Variants in PPP2R3C observed in about 807,000 individuals in gnomAD.
PPP2R3C encodes serine/threonine-protein phosphatase 2A regulatory subunit B'' subunit gamma.
In PPP2R3C, 47 loss-of-function variants were observed where a neutral mutation model predicts 63.7. The ratio of observed to expected loss-of-function variants is 0.74; its 90% CI spans 0.58 to 0.94. The LOEUF (loss-of-function observed/expected upper bound fraction) is 0.94. Among genes scored for constraint, PPP2R3C ranks in the 40% least tolerant of loss-of-function variants. The probability of loss-of-function intolerance (pLI) is 0.00; values close to 1 mark genes in which losing one functional copy is unlikely to be tolerated. For synonymous variants in PPP2R3C, 180 were observed against 177.4 expected, an observed-to-expected ratio of 1.01 and a Z score of -0.12; for missense variants, 421 against 518.4, an observed-to-expected ratio of 0.81 and a Z score of 1.82.
intron 10 of PPP2R3C, among the ~76,000 whole-genome samples, chr14:35,094,836 C>T (rs761314979): frequency 2.0e-4 from 30 of 152,076 alleles, no homozygotes; most frequent in Non-Finnish European, 3.5e-4. Context: ...CACCCATAAT[C>T]CCAGCTACTC....
chr14:35,103,200 C>G (rs1230969808), intron 6 of PPP2R3C, among the ~76,000 whole-genome samples: 2 of 152,160 alleles, frequency 1.3e-5, no homozygotes, highest in African/African-American at 4.8e-5. Flanking sequence ...TTACTGTGGC[C>G]CAAAAGGCCC....
chr14:35,099,603 A>G, intron 6 of PPP2R3C: 1 of 468,540 alleles, frequency 2.1e-6, no homozygotes, highest in East Asian at 5.1e-5. Flanking sequence ...ATTCAAAGGG[A>G]ACAAAGATAT....
At chr14:35,092,254 G>C (rs2045845524) in intron 10 of PPP2R3C, among the ~76,000 whole-genome samples, 1 of 151,060 alleles carries the variant, frequency 6.6e-6, no homozygotes, top group Non-Finnish European at 1.5e-5. Context: ...ATTCTTTGTA[G>C]AGATGGGGTT....
chr14:35,105,844 T>C (rs1247343179), intron 6 of PPP2R3C, among the ~76,000 whole-genome samples: 2 of 151,964 alleles, frequency 1.3e-5, no homozygotes, highest in Admixed American at 6.6e-5. Flanking sequence ...CCTTGTCTAC[T>C]GTGTCTTTTT....
intron 1 of PPP2R3C, among the ~76,000 whole-genome samples, chr14:35,119,039 CTT>C (rs34769087): frequency 1.2e-4 from 16 of 134,992 alleles, no homozygotes; most frequent in Admixed American, 1.5e-4. Context: ...GATCAAATGA[CTT>C]TTTTTTTTTT....
chr14:35,118,855 C>T (rs971625029), intron 1 of PPP2R3C, among the ~76,000 whole-genome samples: 9 of 151,980 alleles, frequency 5.9e-5, no homozygotes, highest in Non-Finnish European at 1.3e-4. Context: ...CGTTTCACCA[C>T]GTTGGCCAGG....
intron 7 of PPP2R3C, among the ~76,000 whole-genome samples, 169 bp from the exon 8 acceptor site, chr14:35,096,933 G>T (rs1432290804): frequency 6.6e-6 from 1 of 152,018 alleles, no homozygotes; most frequent in African/African-American, 2.4e-5. Flanking sequence ...GGGAAATCTC[G>T]GCTGGGCGCG....
In PPP2R3C at chr14:35,094,918, C is replaced by T. The variant is rs1276802337; in HGVS notation, c.975+130G>A. On this transcript the variant is annotated intron_variant, in intron 10 of 12. Transcript: ENST00000261475. The stretch of plus-strand genomic sequence containing the variant: ...GCATTGAGCGGAGATCACACCACTG[C>T]ACTCTAGCCTAGGCGACAGAGCAAG... 9 of 950,954 alleles carry T rather than the reference C, an allele frequency of 9.5e-6. No individual in the cohort carries two copies. The East Asian group carries it at 1.1e-4, about 11-fold the overall frequency. The allele number at this position is 950,954 out of a possible 1,614,324, so 58.9% of individuals were successfully genotyped here.
chr14:35,085,562 AAT>A lies in PPP2R3C; in HGVS notation c.*26_*27del. The A allele has an allele frequency of 1.3e-6, 2 of 1,538,142 alleles. No individual in the cohort carries two copies. Among genetic ancestry groups the A allele is most frequent in the Non-Finnish European group, 1.8e-6 (2 of 1,140,890 alleles). On this transcript the variant is annotated 3_prime_UTR_variant, in exon 13 of 13. Transcript: ENST00000261475. Reference sequence around the variant, plus strand: ...TACATGCAGCATTCAAGTATCTCATAATATAAGACAGTCTAGTCTTTCAGAGA... The same window carrying A: ...TACATGCAGCATTCAAGTATCTCATAATAAGACAGTCTAGTCTTTCAGAGA...
intron 2 of PPP2R3C, among the ~76,000 whole-genome samples, chr14:35,111,006 A>G (rs570382353): frequency 6.6e-6 from 1 of 152,268 alleles, no homozygotes; most frequent in East Asian, 1.9e-4. Flanking sequence ...TGGGTGGCCG[A>G]GGCAGGCGGA....
chr14:35,115,998 A>G (rs952073801), intron 2 of PPP2R3C, among the ~76,000 whole-genome samples: 11 of 152,144 alleles, frequency 7.2e-5, no homozygotes, highest in African/African-American at 2.4e-4. Context: ...ACTTTATAAC[A>G]AAGTGTATAC....
intron 2 of PPP2R3C, among the ~76,000 whole-genome samples, chr14:35,115,969 C>G (rs969281572): frequency 2.0e-5 from 3 of 151,984 alleles, no homozygotes; most frequent in African/African-American, 7.2e-5. Flanking sequence ...TTCGGTTTAG[C>G]CTTGAGCAAA....
In PPP2R3C at chr14:35,091,215, A is replaced by G. The variant is rs551059097; in HGVS notation, c.976-8T>C. ...CAAGTAGGTCTTATAGTCCTACAGA[A>G]CAGAAAATAATGTTCATTAGAGGCC... On this transcript the variant is annotated splice_polypyrimidine_tract_variant and splice_region_variant and intron_variant, in intron 10 of 12. Transcript: ENST00000261475. The G allele has an allele frequency of 6.3e-7, 1 of 1,593,830 alleles. No homozygotes were observed. Among genetic ancestry groups the G allele is most frequent in the African/African-American group, 1.4e-5 (1 of 73,834 alleles).
At chr14:35,089,196 G>A (rs929591113) in intron 11 of PPP2R3C, among the ~76,000 whole-genome samples, 4 of 151,976 alleles carry the variant, frequency 2.6e-5, no homozygotes, top group Non-Finnish European at 4.4e-5. Context: ...TTGACCTCCC[G>A]GACTCTAGTG....
At chr14:35,117,143 T>G (rs1215706496) in intron 1 of PPP2R3C, 1 of 455,808 alleles carries the variant, frequency 2.2e-6, no homozygotes, top group Non-Finnish European at 4.4e-6. Context: ...CCTGACCTCA[T>G]GGAGTTTCAG....
At chr14:35,119,701 G>A (rs533247752) in intron 1 of PPP2R3C, among the ~76,000 whole-genome samples, 6 of 152,116 alleles carry the variant, frequency 3.9e-5, no homozygotes, top group African/African-American at 1.2e-4. Flanking sequence ...CAGCACGTTT[G>A]TGCTGGTGTA....
At chr14:35,120,841 G>A (rs1463999941) in intron 1 of PPP2R3C, among the ~76,000 whole-genome samples, 1 of 152,084 alleles carries the variant, frequency 6.6e-6, no homozygotes, top group Non-Finnish European at 1.5e-5. Flanking sequence ...AGCTGCTCAA[G>A]AGGCTGGGGT....
intron 10 of PPP2R3C, 115 bp from the exon 11 acceptor site, chr14:35,091,322 C>T: frequency 9.8e-7 from 1 of 1,021,840 alleles, no homozygotes; most frequent in South Asian, 1.8e-5. Flanking sequence ...AATTTTTTCC[C>T]TAAGTTATGA....
intron 12 of PPP2R3C, 101 bp from the exon 13 acceptor site, chr14:35,085,879 G>T: frequency 1.1e-6 from 1 of 927,858 alleles, no homozygotes; most frequent in African/African-American, 1.7e-5. Flanking sequence ...GAAGTACAGA[G>T]GAATAAAATT....
Sources: allele counts gnomAD v4.1 joint callset (sites outside exome capture counted in the v4.1 genomes callset), GRCh38; gene constraint gnomAD v4.1.1; transcripts MANE v1.5; gene names NCBI Gene and HGNC (gene_info 2026-07-23, HGNC 2026-07-21).